PIP5K1B: variants seen among roughly 807,000 people sequenced by gnomAD.
PIP5K1B encodes phosphatidylinositol-4-phosphate 5-kinase type 1 beta, also known as phosphatidylinositol 4-phosphate 5-kinase type-1 beta.
Under a neutral mutation model 67.0 loss-of-function variants are expected in PIP5K1B, and 42 were observed. The observed-to-expected ratio is 0.63, with a 90% CI of 0.49 to 0.81. The LOEUF (loss-of-function observed/expected upper bound fraction) is 0.81. Among genes scored for constraint, PIP5K1B ranks in the 30% least tolerant of loss-of-function variants. The pLI is 0.00. For synonymous variants in PIP5K1B, 214 were observed against 231.4 expected, an observed-to-expected ratio of 0.92 and a Z score of 0.68; for missense variants, 459 against 646.3, an observed-to-expected ratio of 0.71 and a Z score of 3.14.
chr9:68,818,825 G>A (rs11143833), intron 3 of PIP5K1B, among the ~76,000 whole-genome samples: 2,772 of 152,032 alleles, frequency 0.018, 56 homozygotes, highest in East Asian at 0.11. Flanking sequence ...TTATTTTTAA[G>A]TGTAGCAGTG....
chr9:68,740,217 C>T (rs7044045), intron 1 of PIP5K1B, among the ~76,000 whole-genome samples: 66,639 of 152,088 alleles, frequency 0.44, 15,765 homozygotes, highest in African/African-American at 0.63. Context: ...GATCTTGGGA[C>T]GGATCTTTTG....
chr9:68,736,626 T>C (rs1828749767), intron 1 of PIP5K1B, among the ~76,000 whole-genome samples: 1 of 152,230 alleles, frequency 6.6e-6, no homozygotes, highest in African/African-American at 2.4e-5. Context: ...TTCCATCTTT[T>C]AGAATCCACC....
At chr9:68,780,077 G>GTCGCCGTATCAT in intron 2 of PIP5K1B, 1 of 1,419,142 alleles carries the variant, frequency 7.0e-7, no homozygotes, top group Admixed American at 3.1e-5. Flanking sequence ...ATTCTCGGTG[G>GTCGCCGTATCAT]CGGCGGCAGC....
At chr9:68,842,849 A>C (rs11792022) in intron 4 of PIP5K1B, among the ~76,000 whole-genome samples, 51,416 of 152,122 alleles carry the variant, frequency 0.34, 8,907 homozygotes, top group East Asian at 0.51. Context: ...GACTTATCTG[A>C]TACTGGGCTT....
intron 14 of PIP5K1B, among the ~76,000 whole-genome samples, chr9:68,941,331 G>A (rs752180694): frequency 6.6e-6 from 1 of 152,128 alleles, no homozygotes; most frequent in Non-Finnish European, 1.5e-5. Context: ...TATCCAGATA[G>A]GCCCAATATA....
At chr9:68,859,024 T>G (rs763620363) in intron 4 of PIP5K1B, among the ~76,000 whole-genome samples, 13 of 152,202 alleles carry the variant, frequency 8.5e-5, no homozygotes, top group Non-Finnish European at 1.5e-4. Context: ...CAGAGAAAAC[T>G]CCGGTAAGTA....
chr9:68,860,181 A>AAT (rs943043752), intron 4 of PIP5K1B, among the ~76,000 whole-genome samples: 9 of 152,296 alleles, frequency 5.9e-5, no homozygotes, highest in Non-Finnish European at 1.0e-4. Context: ...TCCTTGGACC[A>AAT]ATATCTCCCC....
chr9:68,934,716 A>G (rs1348867385), intron 12 of PIP5K1B, among the ~76,000 whole-genome samples, 174 bp from the exon 13 acceptor site: 1 of 152,232 alleles, frequency 6.6e-6, no homozygotes, highest in Non-Finnish European at 1.5e-5. Flanking sequence ...AATTCATCGT[A>G]TTCATCAGAT....
chr9:68,753,434 G>A (rs575072043), intron 2 of PIP5K1B, among the ~76,000 whole-genome samples: 10 of 149,036 alleles, frequency 6.7e-5, no homozygotes, highest in Admixed American at 6.0e-4. Context: ...CCACCTCCCA[G>A]GTTTAAGCAA....
intron 1 of PIP5K1B, chr9:68,707,562 T>C (rs984687201): frequency 6.6e-6 from 1 of 152,220 alleles, no homozygotes; most frequent in Non-Finnish European, 1.5e-5. Context: ...TTTATTGTGG[T>C]CTGCATAGTC....
intron 14 of PIP5K1B, among the ~76,000 whole-genome samples, chr9:68,979,504 C>G (rs189338299): frequency 1.2e-3 from 10 of 8,634 alleles, no homozygotes; most frequent in Non-Finnish European, 1.7e-3. Context: ...GAGGGTTCCT[C>G]TTTAAAAAGG....
At chr9:68,830,368 G>C (rs1834245623) in intron 4 of PIP5K1B, among the ~76,000 whole-genome samples, 1 of 152,114 alleles carries the variant, frequency 6.6e-6, no homozygotes, top group Non-Finnish European at 1.5e-5. Flanking sequence ...GCCTTTATGA[G>C]TTTTAAGCAG....
At position 68,746,076 on chromosome 9, in the gene PIP5K1B, C is replaced by CTTTTT. The variant is rs11306038; in HGVS notation, c.-86+3435_-86+3439dup. On this transcript the variant is annotated intron_variant, in intron 2 of 15. Transcript: ENST00000265382. ...ATGTCTCTCTTCTTTTGTGTTAACT[C>CTTTTT]TTTTTTTTTTTTTTTTTTTTGAGAC... Among the ~76,000 whole-genome samples, 136 of 107,098 alleles carry CTTTTT rather than the reference C, an allele frequency of 1.3e-3. 3 individuals carry two copies. Among genetic ancestry groups the CTTTTT allele is most frequent in the African/African-American group, 4.3e-3 (118 of 27,486 alleles). The allele number at this position is 107,098 out of a possible 152,430, so 70.3% of individuals were successfully genotyped here.
At chr9:68,892,675 A>C (rs1302915000) in intron 7 of PIP5K1B, among the ~76,000 whole-genome samples, 1 of 152,236 alleles carries the variant, frequency 6.6e-6, no homozygotes, top group African/African-American at 2.4e-5. Context: ...ATAAAAGTTT[A>C]TGACTTTGGG....
At position 68,905,924 on chromosome 9, in the gene PIP5K1B, G is replaced by A. The variant is rs115235623; in HGVS notation, c.771+11286G>A. On this transcript the variant is annotated intron_variant, in intron 8 of 15. Transcript: ENST00000265382. Reference sequence around the variant, plus strand: ...CGTATATGGCTCTTCATCCCTGTCAGTATCAGTCCACACTCTTTACATGCC... The same window carrying A: ...CGTATATGGCTCTTCATCCCTGTCAATATCAGTCCACACTCTTTACATGCC... 2.2e-3 allele frequency among the ~76,000 whole-genome samples: 332 copies of A among 152,246 alleles called. 1 individual carries two copies. The highest frequency in any genetic ancestry group is 7.5e-3 in the African/African-American group (311 of 41,552).
intron 2 of PIP5K1B, among the ~76,000 whole-genome samples, chr9:68,790,656 G>C (rs891476359): frequency 6.6e-6 from 1 of 152,016 alleles, no homozygotes; most frequent in Admixed American, 6.6e-5. Flanking sequence ...CTTTTTCTGC[G>C]TTCCTGGAGC....
intron 14 of PIP5K1B, among the ~76,000 whole-genome samples, chr9:68,945,429 A>C (rs1827755647): frequency 6.6e-6 from 1 of 152,198 alleles, no homozygotes; most frequent in Non-Finnish European, 1.5e-5. Flanking sequence ...TACAGGTGTG[A>C]GCCACCGCAC....
Position 68,935,061 on chromosome 9 carries a change from T to C in PIP5K1B, c.1357+16T>C. 6.2e-7 allele frequency: 1 copy of C among 1,603,476 alleles called. No individual in the cohort carries two copies. The highest frequency in any genetic ancestry group is 1.1e-5 in the South Asian group (1 of 89,072). On this transcript the variant is annotated intron_variant, in intron 13 of 15. Coordinates refer to ENST00000265382, the MANE Select transcript of PIP5K1B (RefSeq NM_003558.4). ...GATGAAGAAGGTAAAGATATGTAACTTTTTTAAAAAGACAAACGTTCTTGT... is the reference window on the plus strand; with the variant it reads ...GATGAAGAAGGTAAAGATATGTAACCTTTTTAAAAAGACAAACGTTCTTGT...
At chr9:68,969,547 A>T (rs1829244667) in intron 14 of PIP5K1B, among the ~76,000 whole-genome samples, 2 of 152,172 alleles carry the variant, frequency 1.3e-5, no homozygotes, top group Admixed American at 6.5e-5. Context: ...AAGAAAAAAA[A>T]ACACAGACTC....
Sources: allele counts gnomAD v4.1 joint callset (sites outside exome capture counted in the v4.1 genomes callset), GRCh38; gene constraint gnomAD v4.1.1; transcripts MANE v1.5; gene names NCBI Gene and HGNC (gene_info 2026-07-23, HGNC 2026-07-21).